Variants in SLC17A1 observed in about 807,000 individuals in gnomAD.
SLC17A1 encodes the protein sodium-dependent phosphate transport protein 1.
SLC17A1 carries 51 observed loss-of-function variants against 53.5 expected under a neutral mutation model. The ratio of observed to expected loss-of-function variants is 0.95; its 90% CI spans 0.76 to 1.20. The LOEUF (loss-of-function observed/expected upper bound fraction) is 1.20. SLC17A1 is among the 50% of genes most tolerant of loss of function. SLC17A1 has a pLI of 0.00. For missense variants in SLC17A1, 538 were observed against 568.2 expected (o/e 0.95, Z 0.54); for synonymous variants, 179 against 198.8 (o/e 0.90, Z 0.84).
chr6:25,777,606 C>CAAA, the SLC17A1 span: 24 of 197,500 alleles, frequency 1.2e-4, no homozygotes, highest in African/African-American at 5.6e-4. Flanking sequence ...ACAACAACAA[C>CAAA]AAAAACCTTA....
chr6:25,726,021 C>T, the SLC17A1 span: 2 of 951,438 alleles, frequency 2.1e-6, no homozygotes, highest in Non-Finnish European at 3.1e-6. Flanking sequence ...GGCTGGTTAA[C>T]AGCAGTAACG....
chr6:25,767,429 C>T, the SLC17A1 span, among the ~76,000 whole-genome samples: 1 of 152,056 alleles, frequency 6.6e-6, no homozygotes, highest in Non-Finnish European at 1.5e-5. Flanking sequence ...TTGAGGTAGA[C>T]TCTGTTATTA....
At chr6:25,731,886 C>G in the SLC17A1 span, 1 of 1,602,968 alleles carries the variant, frequency 6.2e-7, no homozygotes, top group Non-Finnish European at 8.5e-7. Context: ...CTGGATCTCC[C>G]TGGAGGTGAT....
the SLC17A1 span, chr6:25,773,512 G>A: frequency 6.2e-7 from 1 of 1,613,750 alleles, no homozygotes; most frequent in Non-Finnish European, 8.5e-7. Flanking sequence ...CTTTCTTCCA[G>A]GACTGTTCAC....
chr6:25,819,489 A>G (rs1328221803), intron 5 of SLC17A1, 22 bp downstream of exon 5: 4 of 1,573,942 alleles, frequency 2.5e-6, no homozygotes, highest in Non-Finnish European at 3.5e-6. Context: ...GGATTCAAAC[A>G]TTCTAGGCTT....
At chr6:25,806,047 T>C (rs1325584740) in intron 10 of SLC17A1, among the ~76,000 whole-genome samples, 1 of 152,044 alleles carries the variant, frequency 6.6e-6, no homozygotes, top group Non-Finnish European at 1.5e-5. Flanking sequence ...ATCACCCTGA[T>C]ACCAAAATCA....
chr6:25,831,541 T>G (rs1764949749), intron 1 of SLC17A1, among the ~76,000 whole-genome samples: 1 of 151,744 alleles, frequency 6.6e-6, no homozygotes, highest in Admixed American at 6.6e-5. Context: ...TGGTACAAAC[T>G]CCCCTTATGT....
chr6:25,827,538 TG>T (rs915153393), intron 2 of SLC17A1, among the ~76,000 whole-genome samples: 1 of 152,166 alleles, frequency 6.6e-6, no homozygotes, highest in African/African-American at 2.4e-5. Context: ...TTAATCTATA[TG>T]GCCCCCTCCA....
intron 10 of SLC17A1, among the ~76,000 whole-genome samples, chr6:25,802,384 C>T (rs1363330753): frequency 1.3e-5 from 2 of 152,042 alleles, no homozygotes; most frequent in East Asian, 3.8e-4. Context: ...TTTCATTTTG[C>T]AAATTCAATT....
At chr6:25,821,307 G>T (rs1431173501) in intron 3 of SLC17A1, among the ~76,000 whole-genome samples, 1 of 151,974 alleles carries the variant, frequency 6.6e-6, no homozygotes, top group Non-Finnish European at 1.5e-5. Flanking sequence ...TATTTCTCTT[G>T]GATGGAAAAG....
the SLC17A1 span, among the ~76,000 whole-genome samples, chr6:25,742,600 A>C: frequency 6.6e-6 from 1 of 151,114 alleles, no homozygotes; most frequent in African/African-American, 2.4e-5. Flanking sequence ...AAATAGGCAC[A>C]CTCATACAGC....
rs370346678 is a variant in SLC17A1, at chr6:25,800,853, T to C, written c.1269+37A>G. 1.3e-5 allele frequency: 17 copies of C among 1,268,164 alleles called. No individual in the cohort carries two copies. The African/African-American group carries it at 1.6e-4, about 12-fold the overall frequency. The allele number at this position is 1,268,164 out of a possible 1,614,324, so 78.6% of individuals were successfully genotyped here. A position where few individuals can be genotyped will look rare whatever the true frequency, so the allele number is the denominator to read the frequency against. On this transcript the variant is annotated intron_variant, in intron 11 of 12. Transcript: ENST00000244527. ...GTGTAATCTTTCTCTATACAATTAATATTGGAAAAATAACTACACATCTGT... is the reference window on the plus strand; with the variant it reads ...GTGTAATCTTTCTCTATACAATTAACATTGGAAAAATAACTACACATCTGT...
chr6:25,746,252 A>G, the SLC17A1 span, among the ~76,000 whole-genome samples: 1 of 152,212 alleles, frequency 6.6e-6, no homozygotes, highest in Non-Finnish European at 1.5e-5. Flanking sequence ...GTTGCTCTGA[A>G]AAACCTTTAG....
At chr6:25,773,232 G>A in the SLC17A1 span, 6 of 1,454,536 alleles carry the variant, frequency 4.1e-6, no homozygotes, top group Middle Eastern at 1.8e-4. Context: ...ACTGAAAGAA[G>A]TACTTCAATC....
the SLC17A1 span, chr6:25,726,351 G>A: frequency 1.7e-5 from 28 of 1,614,110 alleles, no homozygotes; most frequent in South Asian, 2.4e-4. Flanking sequence ...TTTCTGCTGT[G>A]AGATACTCTA....
intron 12 of SLC17A1, among the ~76,000 whole-genome samples, chr6:25,797,067 C>A (rs1271917863): frequency 6.6e-6 from 1 of 152,214 alleles, no homozygotes; most frequent in Non-Finnish European, 1.5e-5. Context: ...TGTGCCTTAT[C>A]TCCTACATTG....
At chr6:25,770,961 G>A in the SLC17A1 span, 11 of 1,613,872 alleles carry the variant, frequency 6.8e-6, no homozygotes, top group Non-Finnish European at 9.3e-6. Flanking sequence ...TCTACTTGCT[G>A]GTGGTCTCCT....
the SLC17A1 span, chr6:25,773,300 T>C: frequency 3.7e-6 from 6 of 1,613,810 alleles, no homozygotes; most frequent in African/African-American, 1.3e-5. Context: ...CTTGTTGTCC[T>C]CTCTGGTTTC....
At chr6:25,751,116 C>A in the SLC17A1 span, among the ~76,000 whole-genome samples, 1 of 152,170 alleles carries the variant, frequency 6.6e-6, no homozygotes, top group Non-Finnish European at 1.5e-5. Flanking sequence ...TAGCATGACA[C>A]ATTGGGTGTG....
Sources: allele counts gnomAD v4.1 joint callset (sites outside exome capture counted in the v4.1 genomes callset), GRCh38; gene constraint gnomAD v4.1.1; transcripts MANE v1.5; gene names NCBI Gene and HGNC (gene_info 2026-07-23, HGNC 2026-07-21).